CNTN5: variants seen among roughly 807,000 people sequenced by gnomAD.
CNTN5 encodes the protein contactin-5.
CNTN5 carries 77 observed loss-of-function variants against 129.1 expected under a neutral mutation model. The observed-to-expected ratio is 0.60, with a 90% confidence interval of 0.50 to 0.72. The LOEUF (loss-of-function observed/expected upper bound fraction) is 0.72. CNTN5 is among the 30% of genes least tolerant of loss of function. The probability of loss-of-function intolerance (pLI) is 0.00; values close to 1 mark genes in which losing one functional copy is unlikely to be tolerated. For synonymous variants in CNTN5, 509 were observed against 465.6 expected, an observed-to-expected ratio of 1.09 and a Z score of -1.20; for missense variants, 1,478 against 1,328.8, an observed-to-expected ratio of 1.11 and a Z score of -1.75.
chr11:99,357,400 A>G (rs1305255875), intron 2 of CNTN5, among the ~76,000 whole-genome samples: 1 of 151,812 alleles, frequency 6.6e-6, no homozygotes, highest in African/African-American at 2.4e-5. Flanking sequence ...TAACAATATT[A>G]TATACTTGAA....
intron 15 of CNTN5, among the ~76,000 whole-genome samples, chr11:100,218,798 A>G (rs1464168321): frequency 6.6e-6 from 1 of 152,178 alleles, no homozygotes; most frequent in East Asian, 1.9e-4. Context: ...GAGAGACAAG[A>G]TAGGTTGAGT....
chr11:99,948,002 T>C (rs1950590032), intron 7 of CNTN5, among the ~76,000 whole-genome samples: 1 of 152,206 alleles, frequency 6.6e-6, no homozygotes, highest in Admixed American at 6.5e-5. Context: ...GGATAAAAGG[T>C]AATATTTTAC....
chr11:99,470,094 T>A (rs1351682402), intron 2 of CNTN5, among the ~76,000 whole-genome samples: 5 of 152,208 alleles, frequency 3.3e-5, no homozygotes, highest in African/African-American at 1.2e-4. Flanking sequence ...ACGTGATAGC[T>A]GCTTCAAGTG....
chr11:99,952,519 A>G (rs1390700815), intron 7 of CNTN5, among the ~76,000 whole-genome samples: 2 of 152,094 alleles, frequency 1.3e-5, no homozygotes, highest in African/African-American at 4.8e-5. Context: ...TTTAAAAAAC[A>G]AACTAAAAGT....
intron 21 of CNTN5, among the ~76,000 whole-genome samples, chr11:100,334,356 A>G (rs903056331): frequency 6.6e-6 from 1 of 152,190 alleles, no homozygotes; most frequent in Non-Finnish European, 1.5e-5. Context: ...TACAACCACT[A>G]TGGAAAACAG....
chr11:99,397,384 T>C (rs1941579548), intron 2 of CNTN5, among the ~76,000 whole-genome samples: 1 of 151,788 alleles, frequency 6.6e-6, no homozygotes, highest in Admixed American at 6.6e-5. Context: ...TTCTGTAGTA[T>C]ACTCTTAGGA....
chr11:99,787,897 C>G (rs1354381624), intron 3 of CNTN5, among the ~76,000 whole-genome samples: 2 of 152,048 alleles, frequency 1.3e-5, no homozygotes, highest in African/African-American at 4.8e-5. Context: ...ATATACGGAT[C>G]TGATTCCAAT....
At chr11:99,459,060 A>G (rs191280137) in intron 2 of CNTN5, among the ~76,000 whole-genome samples, 2 of 152,160 alleles carry the variant, frequency 1.3e-5, no homozygotes, top group African/African-American at 4.8e-5. Context: ...TGTTTTTGAC[A>G]GAGTTAGTTA....
At chr11:100,298,220 G>A (rs1163099932) in intron 19 of CNTN5, among the ~76,000 whole-genome samples, 1 of 151,308 alleles carries the variant, frequency 6.6e-6, no homozygotes, top group Non-Finnish European at 1.5e-5. Context: ...CAATCTCTAA[G>A]AACAATGAGA....
chr11:99,942,020 T>C (rs1022506974), intron 7 of CNTN5, among the ~76,000 whole-genome samples: 4 of 152,218 alleles, frequency 2.6e-5, no homozygotes, highest in African/African-American at 7.2e-5. Context: ...AACTACTTAC[T>C]GGATACTCTA....
intron 3 of CNTN5, among the ~76,000 whole-genome samples, chr11:99,671,218 T>C (rs1953029685): frequency 6.6e-6 from 1 of 152,104 alleles, no homozygotes; most frequent in Admixed American, 6.6e-5. Flanking sequence ...CTTAGCTGCC[T>C]TTCCTAACAA....
intron 1 of CNTN5, among the ~76,000 whole-genome samples, chr11:99,304,670 C>T (rs1468094582): frequency 2.6e-5 from 4 of 152,158 alleles, no homozygotes; most frequent in Admixed American, 6.5e-5. Flanking sequence ...CACAGAAATG[C>T]TTTGAAATAC....
intron 2 of CNTN5, among the ~76,000 whole-genome samples, chr11:99,507,277 T>C (rs1027405993): frequency 6.8e-6 from 1 of 147,934 alleles, no homozygotes; most frequent in African/African-American, 2.5e-5. Flanking sequence ...CTCGGGAGGC[T>C]GAGGCAGGAG....
intron 15 of CNTN5, among the ~76,000 whole-genome samples, chr11:100,217,393 A>T (rs932836521): frequency 2.0e-5 from 3 of 152,220 alleles, no homozygotes; most frequent in Non-Finnish European, 4.4e-5. Flanking sequence ...TTTTCTGTCT[A>T]GACAAAATGA....
At chr11:100,123,633 T>C (rs1267239202) in intron 13 of CNTN5, among the ~76,000 whole-genome samples, 1 of 151,940 alleles carries the variant, frequency 6.6e-6, no homozygotes, top group Non-Finnish European at 1.5e-5. Flanking sequence ...TAACCAAGAA[T>C]CAAAACAAAT....
At chr11:99,052,632 C>A (rs1008910813) in intron 1 of CNTN5, among the ~76,000 whole-genome samples, 3 of 151,828 alleles carry the variant, frequency 2.0e-5, no homozygotes, top group African/African-American at 7.2e-5. Flanking sequence ...GTTTTAATTT[C>A]ATTAAAGTGC....
intron 7 of CNTN5, among the ~76,000 whole-genome samples, chr11:99,945,485 T>C (rs1176726957): frequency 1.6e-5 from 1 of 61,806 alleles, no homozygotes; most frequent in East Asian, 6.0e-4. Context: ...ATAAAACCTC[T>C]GTGCGTGTGT....
At chr11:99,833,245 C>T (rs1037632852) in intron 4 of CNTN5, among the ~76,000 whole-genome samples, 1 of 152,154 alleles carries the variant, frequency 6.6e-6, no homozygotes, top group Middle Eastern at 3.4e-3. Context: ...TAGAGAGGAC[C>T]GGACACTAAC....
At chr11:99,265,452 G>T (rs1834199090) in intron 1 of CNTN5, among the ~76,000 whole-genome samples, 2 of 152,010 alleles carry the variant, frequency 1.3e-5, no homozygotes, top group East Asian at 1.9e-4. Flanking sequence ...AGTGCATAAT[G>T]AAGCTGAAAG....
Sources: allele counts gnomAD v4.1 joint callset (sites outside exome capture counted in the v4.1 genomes callset), GRCh38; gene constraint gnomAD v4.1.1; transcripts MANE v1.5; gene names NCBI Gene and HGNC (gene_info 2026-07-23, HGNC 2026-07-21).